The following FAT3 variants were observed in gnomAD, a reference collection of about 807,000 sequenced individuals.
FAT3 encodes FAT atypical cadherin 3, also known as protocadherin Fat 3.
In FAT3, 95 loss-of-function variants were observed where a neutral mutation model predicts 310.2. The observed-to-expected ratio is 0.31, with a 90% CI of 0.26 to 0.36. The LOEUF (loss-of-function observed/expected upper bound fraction) is 0.36. Ranked by LOEUF, FAT3 falls within the 10% of genes least tolerant of loss-of-function variation. The pLI, the probability that FAT3 is intolerant of heterozygous loss-of-function variation, is 1.00. For synonymous variants in FAT3, 2,314 were observed against 2,192.9 expected, an observed-to-expected ratio of 1.06 and a Z score of -1.54; for missense variants, 5,408 against 5,715.6, an observed-to-expected ratio of 0.95 and a Z score of 1.74.
At chr11:92,730,123 C>G (rs1482954659) in intron 4 of FAT3, among the ~76,000 whole-genome samples, 1 of 152,136 alleles carries the variant, frequency 6.6e-6, no homozygotes, top group African/African-American at 2.4e-5. Context: ...GGGAGAATCA[C>G]TTGAGGCCTA....
intron 17 of FAT3, among the ~76,000 whole-genome samples, chr11:92,840,314 A>G (rs1308405944): frequency 1.3e-5 from 2 of 152,206 alleles, no homozygotes; most frequent in Admixed American, 6.5e-5. Flanking sequence ...TCACACCAGT[A>G]GAGGATTGTC....
At position 92,717,436 on chromosome 11, in the gene FAT3, A is replaced by G. The variant is rs116118661; in HGVS notation, c.3669+19991A>G. 6.9e-3 allele frequency among the ~76,000 whole-genome samples: 1,045 copies of G among 152,266 alleles called. 11 individuals carry two copies. The highest frequency in any genetic ancestry group is 0.025 in the African/African-American group (1,020 of 41,550). ...AGTTGTATCCTCTCACAGCTCTGTCAGGAAGCTCATCATGACTCACCCTCC... is the reference window on the plus strand; with the variant it reads ...AGTTGTATCCTCTCACAGCTCTGTCGGGAAGCTCATCATGACTCACCCTCC... On this transcript the variant is annotated intron_variant, in intron 4 of 27. Transcript: ENST00000525166.
chr11:92,562,553 T>C (rs1330713302), intron 3 of FAT3, among the ~76,000 whole-genome samples: 2 of 152,180 alleles, frequency 1.3e-5, no homozygotes, highest in Admixed American at 1.3e-4. Flanking sequence ...AGATTTATTA[T>C]GGGAATTGGC....
rs201851636 is a variant in FAT3, at chr11:92,857,482, AC to A, written c.11500+135del. The A allele has an allele frequency of 3.0e-3, 3,571 of 1,180,198 alleles. 70 individuals are homozygous for A. In the African/African-American group the frequency reaches 0.049, roughly 16 times the overall value. 73.1% of individuals were successfully genotyped at this position (1,180,198 alleles called of 1,614,324 possible). ...GCAACCTTTTCCTTTAGAATGGACC[AC>A]AGCTAACATCCACACTCACATTTAC... On this transcript the variant is annotated intron_variant, in intron 20 of 27. Transcript: ENST00000525166.
chr11:92,317,882 T>G (rs1947505866), intron 1 of FAT3, among the ~76,000 whole-genome samples: 1 of 152,164 alleles, frequency 6.6e-6, no homozygotes, highest in Admixed American at 6.5e-5. Flanking sequence ...AGTCGTTATT[T>G]TTTTGTTTGC....
intron 3 of FAT3, among the ~76,000 whole-genome samples, chr11:92,646,381 G>A (rs1048960069): frequency 2.0e-5 from 3 of 152,322 alleles, no homozygotes; most frequent in Middle Eastern, 3.4e-3. Flanking sequence ...GAGAAGATAA[G>A]CCTGAATTGC....
chr11:92,837,619 G>T (rs772576959), intron 16 of FAT3, 44 bp from the exon 17 acceptor site: 5 of 1,606,984 alleles, frequency 3.1e-6, no homozygotes, highest in Non-Finnish European at 3.4e-6. Flanking sequence ...CAGAAGGAAG[G>T]AAGCGCTACA....
chr11:92,351,734 G>A (rs564714079), intron 1 of FAT3, among the ~76,000 whole-genome samples: 37 of 151,950 alleles, frequency 2.4e-4, no homozygotes, highest in Non-Finnish European at 3.5e-4. Flanking sequence ...GATAATTACT[G>A]CAAAGGCAGT....
chr11:92,674,545 C>T lies in FAT3; in HGVS notation c.3608-22839C>T, dbSNP rs180925681. ...TTAATTTAATTAATTTTTTTTAATG[C>T]AGAGTCTCACTCTGTTGCCCAAGCT... On this transcript the variant is annotated intron_variant, in intron 3 of 27. Coordinates refer to ENST00000525166, the MANE Select transcript of FAT3 (RefSeq NM_001367949.2). Among the ~76,000 whole-genome samples the T allele has an allele frequency of 1.4e-3, 217 of 151,922 alleles. 1 individual carries two copies. The highest frequency in any genetic ancestry group is 0.012 in the South Asian group (57 of 4,786).
In FAT3 at chr11:92,231,586, A is replaced by G. The variant is rs148630721; in HGVS notation, c.-18+6412A>G. On this transcript the variant is annotated intron_variant, in intron 1 of 27. Coordinates refer to ENST00000525166, the MANE Select transcript of FAT3 (RefSeq NM_001367949.2). The stretch of plus-strand genomic sequence containing the variant: ...CTTCAACTAAATTAAATTCCAAACA[A>G]TCTGAAAAAAATTGTAGCCTTTTCA... Among the ~76,000 whole-genome samples the G allele has an allele frequency of 2.3e-3, 350 of 152,308 alleles. 2 individuals are homozygous for G. Among genetic ancestry groups the G allele is most frequent in the African/African-American group, 8.0e-3 (331 of 41,580 alleles).
intron 1 of FAT3, among the ~76,000 whole-genome samples, chr11:92,237,506 T>C (rs1312158549): frequency 1.3e-5 from 2 of 152,186 alleles, no homozygotes; most frequent in Non-Finnish European, 2.9e-5. Context: ...GAGAACTAAA[T>C]GTGGACCCCA....
At chr11:92,260,284 T>C (rs1865494146) in intron 1 of FAT3, among the ~76,000 whole-genome samples, 1 of 152,018 alleles carries the variant, frequency 6.6e-6, no homozygotes, top group Non-Finnish European at 1.5e-5. Flanking sequence ...AGCGGTCATT[T>C]GTATGATTGA....
chr11:92,639,697 G>T (rs1378869475), intron 3 of FAT3, among the ~76,000 whole-genome samples: 3 of 152,252 alleles, frequency 2.0e-5, no homozygotes, highest in Middle Eastern at 3.4e-3. Context: ...GGGGCCTGCT[G>T]GTTCTATTCA....
At chr11:92,426,644 A>G (rs1183497327) in intron 2 of FAT3, among the ~76,000 whole-genome samples, 1 of 152,134 alleles carries the variant, frequency 6.6e-6, no homozygotes, top group Non-Finnish European at 1.5e-5. Flanking sequence ...TCCTTTCCCC[A>G]TTGCTTGTTT....
In FAT3 at chr11:92,800,844, G is replaced by A. The variant is rs1387035642; in HGVS notation, c.7831G>A (p.Ala2611Thr). Residue 2611 changes from alanine (A) to threonine (T), a missense_variant, in exon 10 of 28, where the codon GCA (alanine) becomes ACA (threonine). Ala to Thr is a moderately conservative substitution (Grantham distance 58). This residue lies in a region of FAT3 where 4,588 missense variants were observed against 4,809.8 expected (regional missense o/e 0.95). Coordinates refer to ENST00000525166, the MANE Select transcript of FAT3 (RefSeq NM_001367949.2). ...AGTGGAATATAGAGCCAGTGTCAGG[G>A]CAGATGTTGGAAGGGGCCACTTGGT... ...MTVEYRASVR[A>T]DVGRGHLVTQ... The A allele has an allele frequency of 1.9e-6, 3 of 1,613,518 alleles. No homozygotes were observed. The highest frequency in any genetic ancestry group is 1.3e-5 in the African/African-American group (1 of 74,922).
intron 4 of FAT3, among the ~76,000 whole-genome samples, chr11:92,739,582 G>T (rs1945447500): frequency 6.6e-6 from 1 of 152,130 alleles, no homozygotes; most frequent in Admixed American, 6.5e-5. Flanking sequence ...TTTCTTCCTA[G>T]TTTGGCTGGA....
chr11:92,229,510 T>TTTTTTC (rs1440088788), intron 1 of FAT3, among the ~76,000 whole-genome samples: 1 of 77,142 alleles, frequency 1.3e-5, no homozygotes, highest in Admixed American at 1.9e-4. Context: ...TTTTTTTGTT[T>TTTTTTC]TTTGTTTTTT....
intron 3 of FAT3, among the ~76,000 whole-genome samples, chr11:92,684,447 C>G (rs1428013418): frequency 1.3e-5 from 2 of 152,072 alleles, no homozygotes; most frequent in Non-Finnish European, 2.9e-5. Context: ...TTTAAATTTG[C>G]CATGGGGTGT....
chr11:92,536,130 G>A (rs492163), intron 3 of FAT3, among the ~76,000 whole-genome samples: 61,859 of 151,844 alleles, frequency 0.41, 13,044 homozygotes, highest in Middle Eastern at 0.54. Context: ...GCTTCTTGAC[G>A]TTCTTATAAA....
Sources: allele counts gnomAD v4.1 joint callset (sites outside exome capture counted in the v4.1 genomes callset), GRCh38; gene constraint gnomAD v4.1.1; regional missense constraint gnomAD v4.1.1; transcripts MANE v1.5; gene names NCBI Gene and HGNC (gene_info 2026-07-23, HGNC 2026-07-21).